The following MYO16 variants were observed in gnomAD, a reference collection of about 807,000 sequenced individuals.
MYO16 encodes the protein myosin XVI, also known as unconventional myosin-XVI.
In MYO16, 94 loss-of-function variants were observed where a neutral mutation model predicts 205.3. The ratio of observed to expected loss-of-function variants is 0.46; its 90% CI spans 0.39 to 0.54. The LOEUF (loss-of-function observed/expected upper bound fraction) is 0.54, where lower values mean the gene tolerates loss of function less well. MYO16 is among the 20% of genes least tolerant of loss of function. The probability of loss-of-function intolerance (pLI) is 0.00; values close to 1 mark genes in which losing one functional copy is unlikely to be tolerated. For synonymous variants in MYO16, 988 were observed against 954.0 expected (o/e 1.04, Z -0.66); for missense variants, 2,315 against 2,387.5 (o/e 0.97, Z 0.63).
At chr13:109,088,910 C>G (rs959663984) in intron 27 of MYO16, among the ~76,000 whole-genome samples, 1 of 152,154 alleles carries the variant, frequency 6.6e-6, no homozygotes, top group Admixed American at 6.5e-5. Context: ...CCTCCAGGCC[C>G]GCTCCTTTCC....
intron 27 of MYO16, among the ~76,000 whole-genome samples, chr13:109,098,419 A>G (rs1300536933): frequency 1.3e-5 from 2 of 152,136 alleles, no homozygotes; most frequent in Non-Finnish European, 2.9e-5. Context: ...TTCCCTGCAA[A>G]AAGTTGTCGA....
intron 23 of MYO16, among the ~76,000 whole-genome samples, chr13:109,045,853 G>T (rs538388941): frequency 9.9e-5 from 15 of 152,146 alleles, no homozygotes; most frequent in Non-Finnish European, 2.1e-4. Context: ...TCCTCTCTGG[G>T]CTCTCTAGAC....
the MYO16 span, among the ~76,000 whole-genome samples, chr13:108,547,403 G>A: frequency 5.9e-5 from 9 of 152,134 alleles, no homozygotes; most frequent in African/African-American, 2.2e-4. Context: ...TGGGTGGGGG[G>A]CCCCTGATTG....
chr13:108,844,546 T>G, intron 10 of MYO16, 53 bp downstream of exon 10: 1 of 1,487,416 alleles, frequency 6.7e-7, no homozygotes. Context: ...TCAAGTAATG[T>G]ATTATAAAAT....
intron 31 of MYO16, among the ~76,000 whole-genome samples, chr13:109,135,957 G>T (rs563739692): frequency 6.6e-6 from 1 of 152,096 alleles, no homozygotes; most frequent in Non-Finnish European, 1.5e-5. Context: ...TTCATGAAGG[G>T]TCTCATAAGT....
intron 23 of MYO16, among the ~76,000 whole-genome samples, chr13:109,037,284 G>A (rs541342031): frequency 1.6e-4 from 24 of 152,314 alleles, no homozygotes; most frequent in Middle Eastern, 3.4e-3. Context: ...TGGAGGCGGC[G>A]GCCCTCAGTG....
the MYO16 span, among the ~76,000 whole-genome samples, chr13:108,552,767 T>G: frequency 6.6e-6 from 1 of 152,152 alleles, no homozygotes; most frequent in Admixed American, 6.5e-5. Flanking sequence ...GACTGGGTAC[T>G]CTGTCCCAGA....
At position 109,140,152 on chromosome 13, in the gene MYO16, C is replaced by T; in HGVS notation, c.4052-112C>T. ...GTGGAGGAACATGCAGGCCCGGTCC[C>T]TTGGGATTCTCGGGGCACGGGGCCG... On this transcript the variant is annotated intron_variant, in intron 31 of 34. Coordinates refer to ENST00000457511, the MANE Select transcript of MYO16 (RefSeq NM_001198950.3). This position sits in a 1 kb window ranked among gnomAD's most constrained non-coding sequence, Gnocchi z 8.0. 1 of 1,499,182 alleles carries T rather than the reference C, an allele frequency of 6.7e-7. No homozygotes were observed. The highest frequency in any genetic ancestry group is 8.8e-7 in the Non-Finnish European group (1 of 1,135,582). The allele number at this position is 1,499,182 out of a possible 1,614,324, so 92.9% of individuals were successfully genotyped here. A position where few individuals can be genotyped will look rare whatever the true frequency, so the allele number is the denominator to read the frequency against.
the MYO16 span, among the ~76,000 whole-genome samples, chr13:108,553,059 C>G: frequency 8.1e-6 from 1 of 124,218 alleles, no homozygotes; most frequent in African/African-American, 2.9e-5. Context: ...TGCTCTGTCA[C>G]CCAGGCTGGA....
At chr13:109,008,814 G>T (rs1252610696) in intron 21 of MYO16, 83 bp from the exon 22 acceptor site, 2 of 720,674 alleles carry the variant, frequency 2.8e-6, no homozygotes, top group East Asian at 5.6e-5. Context: ...GTACTATCTT[G>T]TGTATGCACT....
At chr13:109,205,750 C>T (rs1396528499) in intron 34 of MYO16, among the ~76,000 whole-genome samples, 1 of 152,144 alleles carries the variant, frequency 6.6e-6, no homozygotes, top group African/African-American at 2.4e-5. Context: ...GCTTGGTCTG[C>T]AGGGTGTCTC....
rs543639448 is a variant in MYO16, at chr13:109,141,538, A to G, written c.5164+162A>G. 6.6e-6 allele frequency among the ~76,000 whole-genome samples: 1 copy of G among 152,262 alleles called. No individual in the cohort carries two copies. The highest frequency in any genetic ancestry group is 2.4e-5 in the African/African-American group (1 of 41,540). ...CTTTAAAAAAAAATCGTATACACCC[A>G]CTGTGACCAAATAGGTAGGAATTAA... is the stretch of plus-strand genomic sequence containing the variant. On this transcript the variant is annotated intron_variant, in intron 32 of 34. Transcript: ENST00000457511. This position sits in a 1 kb window ranked among gnomAD's most constrained non-coding sequence, Gnocchi z 4.1.
At chr13:109,150,625 C>G (rs1049869172) in intron 32 of MYO16, among the ~76,000 whole-genome samples, 5 of 152,154 alleles carry the variant, frequency 3.3e-5, no homozygotes, top group Non-Finnish European at 5.9e-5. Context: ...TAACCAAATG[C>G]AACAAAGAAG....
the MYO16 span, among the ~76,000 whole-genome samples, chr13:108,573,448 A>G: frequency 6.6e-6 from 1 of 152,242 alleles, no homozygotes; most frequent in Non-Finnish European, 1.5e-5. Flanking sequence ...TTAATTGTGT[A>G]TAATTTGCAT....
chr13:108,763,787 TTGTGTGTGTGTGTGTGTGTG>T (rs56115831), intron 4 of MYO16, among the ~76,000 whole-genome samples: 1 of 142,536 alleles, frequency 7.0e-6, no homozygotes, highest in African/African-American at 2.6e-5. Context: ...AGAAAAGGAG[TTGTGTGTGTGTGTGTGTGTG>T]TGTGTGTGTG....
chr13:108,551,137 G>C, the MYO16 span, among the ~76,000 whole-genome samples: 1 of 152,224 alleles, frequency 6.6e-6, no homozygotes, highest in Admixed American at 6.5e-5. Flanking sequence ...AACTCCATCT[G>C]TTCTATCTCC....
At chr13:108,946,474 T>C (rs1882946491) in intron 16 of MYO16, among the ~76,000 whole-genome samples, 2 of 152,182 alleles carry the variant, frequency 1.3e-5, no homozygotes, top group East Asian at 1.9e-4. Context: ...TATGGAAACT[T>C]TGAAATACAT....
chr13:108,827,153 A>G (rs1269066460), intron 9 of MYO16, among the ~76,000 whole-genome samples: 1 of 152,174 alleles, frequency 6.6e-6, no homozygotes, highest in South Asian at 2.1e-4. Flanking sequence ...CCATGACTTC[A>G]CCATGTATTC....
At chr13:109,088,874 C>G (rs1343233091) in intron 27 of MYO16, among the ~76,000 whole-genome samples, 2 of 152,228 alleles carry the variant, frequency 1.3e-5, no homozygotes, top group Non-Finnish European at 2.9e-5. Flanking sequence ...CCCGCAACCG[C>G]TCAGGAGGGC....
Sources: gnomAD v4.1 joint callset for allele counts (sites outside exome capture counted in the v4.1 genomes callset) on GRCh38, gnomAD v4.1.1 for gene constraint, Gnocchi (gnomAD v3.1) non-coding constraint, MANE v1.5 for transcripts, NCBI Gene and HGNC (gene_info 2026-07-23, HGNC 2026-07-21) for gene names.